SPON2: variants seen among roughly 807,000 people sequenced by gnomAD.
SPON2 encodes spondin 2.
Under a neutral mutation model 29.9 loss-of-function variants are expected in SPON2, and 32 were observed. The ratio of observed to expected loss-of-function variants is 1.07; its 90% CI spans 0.81 to 1.44. SPON2 has a LOEUF of 1.44. SPON2 is among the 40% of genes most tolerant of loss of function. The pLI is 0.00. For missense variants in SPON2, 541 were observed against 455.5 expected, an observed-to-expected ratio of 1.19 and a Z score of -1.71; for synonymous variants, 248 against 209.1, an observed-to-expected ratio of 1.19 and a Z score of -1.61.
At chr4:1,191,654 C>T (rs1353854593) in intron 1 of SPON2, among the ~76,000 whole-genome samples, 1 of 152,156 alleles carries the variant, frequency 6.6e-6, no homozygotes, top group Non-Finnish European at 1.5e-5. Flanking sequence ...TGGCTCAGAA[C>T]TCAGCACTGA....
chr4:1,174,554 C>T (rs1727555591), upstream of SPON2, among the ~76,000 whole-genome samples: 2 of 148,874 alleles, frequency 1.3e-5, no homozygotes. Context: ...CACTGAAGAA[C>T]TTTTTTGTTT....
chr4:1,208,099 C>CG (rs1728391059), exon 1 of SPON2: 1 of 152,572 alleles, frequency 6.6e-6, no homozygotes, highest in African/African-American at 2.4e-5. Flanking sequence ...GTGCCGGCTG[C>CG]GGGGGTAGGC....
chr4:1,174,486 C>CAAAAAAAAAAAAAAAAA (rs59532169), upstream of SPON2, among the ~76,000 whole-genome samples: 8 of 94,250 alleles, frequency 8.5e-5, no homozygotes, highest in African/African-American at 2.2e-4. Context: ...GACTCCATCT[C>CAAAAAAAAAAAAAAAAA]AAAAAAAAAA....
intron 5 of SPON2, among the ~76,000 whole-genome samples, chr4:1,169,203 C>T (rs1310456097): frequency 1.3e-5 from 2 of 152,094 alleles, no homozygotes; most frequent in Non-Finnish European, 2.9e-5. Context: ...AAATGTGGGG[C>T]AAACCGCACC....
upstream of SPON2, among the ~76,000 whole-genome samples, chr4:1,178,175 G>A (rs912972901): frequency 6.8e-6 from 1 of 147,894 alleles, no homozygotes. Flanking sequence ...CAGGCACCAC[G>A]GGCTCTGCAC....
intron 1 of SPON2, among the ~76,000 whole-genome samples, chr4:1,188,326 A>G (rs1275783008): frequency 1.3e-5 from 2 of 152,168 alleles, no homozygotes; most frequent in Non-Finnish European, 2.9e-5. Context: ...TAAGATATGG[A>G]AAACAAATAG....
upstream of SPON2, among the ~76,000 whole-genome samples, chr4:1,198,624 G>A (rs565658962): frequency 2.0e-5 from 3 of 151,840 alleles, no homozygotes; most frequent in Admixed American, 1.3e-4. Flanking sequence ...ACGCAGCGTC[G>A]GCGGATTCTA....
chr4:1,182,018 A>G (rs1727709386), intron 1 of SPON2, among the ~76,000 whole-genome samples: 1 of 152,198 alleles, frequency 6.6e-6, no homozygotes, highest in Non-Finnish European at 1.5e-5. Context: ...CTCAGAAAAG[A>G]CCTGAGAAGA....
chr4:1,200,177 C>T (rs1457601800), intron 1 of SPON2: 2 of 152,426 alleles, frequency 1.3e-5, no homozygotes, highest in Admixed American at 6.5e-5. Context: ...TTGTGTCCGC[C>T]CGGTGGGGCT....
chr4:1,186,117 G>A (rs535260002), intron 1 of SPON2, among the ~76,000 whole-genome samples: 104 of 150,972 alleles, frequency 6.9e-4, no homozygotes, highest in African/African-American at 1.3e-3. Flanking sequence ...GGTGGTGGGC[G>A]CCTGTAGTCC....
At chr4:1,196,205 T>C (rs545279539), upstream of SPON2, among the ~76,000 whole-genome samples, 3 of 152,316 alleles carry the variant, frequency 2.0e-5, no homozygotes, top group Admixed American at 1.3e-4. Context: ...TTAACGTCTC[T>C]TACTGGGCAC....
At chr4:1,195,374 G>A (rs905007410), upstream of SPON2, among the ~76,000 whole-genome samples, 6 of 152,094 alleles carry the variant, frequency 3.9e-5, no homozygotes, top group Non-Finnish European at 7.4e-5. Flanking sequence ...GTCGGTGGGC[G>A]CATCAGCTTG....
intron 1 of SPON2, among the ~76,000 whole-genome samples, chr4:1,193,027 CAT>C (rs1222611940): frequency 1.3e-5 from 2 of 152,176 alleles, no homozygotes; most frequent in East Asian, 3.9e-4. Flanking sequence ...GGCCCACACA[CAT>C]ATGTGGACAT....
chr4:1,205,625 A>C (rs1728322642), intron 1 of SPON2, among the ~76,000 whole-genome samples: 1 of 152,204 alleles, frequency 6.6e-6, no homozygotes. Flanking sequence ...TTTTGCCAGC[A>C]GTGCCTACGG....
At chr4:1,174,486 C>CAAAAAAAAAAAAAAAAAAAAAA (rs59532169), upstream of SPON2, among the ~76,000 whole-genome samples, 5 of 94,292 alleles carry the variant, frequency 5.3e-5, 1 homozygote, top group African/African-American at 8.8e-5. Context: ...GACTCCATCT[C>CAAAAAAAAAAAAAAAAAAAAAA]AAAAAAAAAA....
At chr4:1,200,063 CA>C (rs1482338709), upstream of SPON2, 1 of 152,226 alleles carries the variant, frequency 6.6e-6, no homozygotes, top group Non-Finnish European at 1.5e-5. Flanking sequence ...AAAGAAAGAA[CA>C]GGCAGCTTGG....
At chr4:1,203,168 A>G (rs769515586) in intron 1 of SPON2, among the ~76,000 whole-genome samples, 1 of 152,158 alleles carries the variant, frequency 6.6e-6, no homozygotes, top group Non-Finnish European at 1.5e-5. Context: ...GAACTACAGG[A>G]AATAAATTTC....
rs375956700 is a variant in SPON2, at chr4:1,168,352, G to C, written c.812-696C>G. 1.7e-3 allele frequency among the ~76,000 whole-genome samples: 265 copies of C among 152,330 alleles called. 9 individuals are homozygous for C. In the South Asian group the frequency reaches 0.051, roughly 29 times the overall value. On this transcript the variant is annotated intron_variant, in intron 5 of 5. Coordinates refer to ENST00000290902, the MANE Select transcript of SPON2 (RefSeq NM_012445.4). ...GCCCCGCCTCACTCTGCCGTGCACG[G>C]GAGGACAGTCAGCAAGGGCTCGGCT...
At chr4:1,182,711 G>A (rs1258321916) in intron 1 of SPON2, among the ~76,000 whole-genome samples, 1 of 152,122 alleles carries the variant, frequency 6.6e-6, no homozygotes, top group Non-Finnish European at 1.5e-5. Context: ...TGAAAGACAT[G>A]TATATAAACA....
Sources: allele counts gnomAD v4.1 joint callset (sites outside exome capture counted in the v4.1 genomes callset), GRCh38; gene constraint gnomAD v4.1.1; transcripts MANE v1.5; gene names NCBI Gene and HGNC (gene_info 2026-07-23, HGNC 2026-07-21).